Variants in AGMO observed in about 807,000 individuals in gnomAD.
AGMO encodes the protein glyceryl-ether monooxygenase.
Under a neutral mutation model 60.2 loss-of-function variants are expected in AGMO, and 75 were observed. The ratio of observed to expected loss-of-function variants is 1.25; its 90% confidence interval spans 1.03 to 1.51. AGMO has a LOEUF of 1.51. Ranked by LOEUF, AGMO falls within the 40% of genes most tolerant of loss-of-function variation. The pLI is 0.00. For missense variants in AGMO, 763 were observed against 525.5 expected (o/e 1.45, Z -4.42); for synonymous variants, 261 against 177.1 (o/e 1.47, Z -3.76).
intron 12 of AGMO, among the ~76,000 whole-genome samples, chr7:15,253,603 C>T (rs1039482924): frequency 2.0e-5 from 3 of 152,044 alleles, no homozygotes; most frequent in African/African-American, 4.8e-5. Context: ...TTAGGGACTA[C>T]AATGTGTTGT....
At chr7:15,366,010 G>T (rs1245087619) in intron 11 of AGMO, 130 bp downstream of exon 11, 2 of 649,556 alleles carry the variant, frequency 3.1e-6, no homozygotes, top group Admixed American at 3.4e-5. Context: ...ATAATGAGAA[G>T]TCAAATACCA....
At chr7:15,321,497 T>C (rs1462796457) in intron 12 of AGMO, among the ~76,000 whole-genome samples, 3 of 152,106 alleles carry the variant, frequency 2.0e-5, no homozygotes, top group East Asian at 1.9e-4. Flanking sequence ...ATGATAAGAA[T>C]GGAGTTCTTG....
At chr7:15,417,282 G>C (rs1020613827) in intron 5 of AGMO, among the ~76,000 whole-genome samples, 1 of 152,134 alleles carries the variant, frequency 6.6e-6, no homozygotes, top group Non-Finnish European at 1.5e-5. Context: ...ACAGGAATAA[G>C]TCTCACCAGT....
At chr7:15,206,167 A>T (rs1443564979) in intron 12 of AGMO, among the ~76,000 whole-genome samples, 1 of 152,134 alleles carries the variant, frequency 6.6e-6, no homozygotes, top group African/African-American at 2.4e-5. Flanking sequence ...AATAAGCACA[A>T]TGGAACTAGA....
intron 12 of AGMO, among the ~76,000 whole-genome samples, chr7:15,277,634 C>T (rs776747492): frequency 3.3e-5 from 5 of 152,076 alleles, no homozygotes; most frequent in African/African-American, 9.7e-5. Flanking sequence ...CTGTGCACTT[C>T]TGTCAGCAGG....
At chr7:15,314,981 G>A (rs776997507) in intron 12 of AGMO, among the ~76,000 whole-genome samples, 12 of 152,058 alleles carry the variant, frequency 7.9e-5, no homozygotes, top group Non-Finnish European at 1.2e-4. Context: ...GGACCGAAGC[G>A]ACATGTTTTA....
intron 5 of AGMO, among the ~76,000 whole-genome samples, chr7:15,405,206 C>A (rs1013972100): frequency 2.0e-5 from 3 of 151,824 alleles, no homozygotes; most frequent in Admixed American, 6.6e-5. Flanking sequence ...TTGTCGCTTT[C>A]TCTGCCTCCT....
intron 12 of AGMO, among the ~76,000 whole-genome samples, chr7:15,324,462 T>C (rs931033078): frequency 1.3e-5 from 2 of 152,156 alleles, no homozygotes; most frequent in African/African-American, 4.8e-5. Context: ...CTTTGGTTTC[T>C]TGTTCTTATT....
intron 12 of AGMO, among the ~76,000 whole-genome samples, chr7:15,317,880 T>C (rs544060826): frequency 1.3e-3 from 196 of 149,272 alleles, no homozygotes; most frequent in Middle Eastern, 3.6e-3. Flanking sequence ...TATATATATA[T>C]ACACACGTAT....
At chr7:15,302,811 C>T (rs1436621690) in intron 12 of AGMO, among the ~76,000 whole-genome samples, 1 of 152,018 alleles carries the variant, frequency 6.6e-6, no homozygotes, top group Non-Finnish European at 1.5e-5. Flanking sequence ...AGTCATGGAG[C>T]AGTCAACTAG....
At chr7:15,377,329 G>A (rs1783495300) in intron 10 of AGMO, among the ~76,000 whole-genome samples, 1 of 151,964 alleles carries the variant, frequency 6.6e-6, no homozygotes, top group African/African-American at 2.4e-5. Flanking sequence ...GTTTGTAAAG[G>A]GTTTCAACAC....
At chr7:15,178,613 A>C in the AGMO span, among the ~76,000 whole-genome samples, 4 of 152,074 alleles carry the variant, frequency 2.6e-5, no homozygotes, top group African/African-American at 9.7e-5. Context: ...GCTTTATTAA[A>C]AATGGCTGTA....
At chr7:15,371,031 G>C (rs113620497) in intron 10 of AGMO, among the ~76,000 whole-genome samples, 2 of 152,110 alleles carry the variant, frequency 1.3e-5, no homozygotes, top group South Asian at 4.1e-4. Context: ...TCCTTATTCA[G>C]TAAGTGGTAG....
intron 12 of AGMO, among the ~76,000 whole-genome samples, chr7:15,229,286 T>A (rs567497638): frequency 6.6e-6 from 1 of 152,202 alleles, no homozygotes; most frequent in African/African-American, 2.4e-5. Flanking sequence ...TATACGAACA[T>A]GGCACATGTT....
chr7:15,531,152 A>ATATATATTCTATATATATATTC (rs1784323925), intron 3 of AGMO, among the ~76,000 whole-genome samples: 2 of 59,240 alleles, frequency 3.4e-5, no homozygotes, highest in Non-Finnish European at 5.5e-5. Flanking sequence ...TATATATTCT[A>ATATATATTCTATATATATATTC]TATATATTCT....
At chr7:15,525,063 A>G (rs2128537631) in intron 3 of AGMO, among the ~76,000 whole-genome samples, 1 of 152,248 alleles carries the variant, frequency 6.6e-6, no homozygotes, top group African/African-American at 2.4e-5. Context: ...ATTCTTGGCC[A>G]TGACAAAAAG....
chr7:15,404,427 C>T (rs1456809771), intron 5 of AGMO, among the ~76,000 whole-genome samples: 2 of 151,924 alleles, frequency 1.3e-5, no homozygotes, highest in East Asian at 3.9e-4. Context: ...AACTGTTAAG[C>T]ATGTTCCCTC....
intron 2 of AGMO, among the ~76,000 whole-genome samples, chr7:15,546,684 TCC>T (rs1229535643): frequency 6.6e-6 from 1 of 152,200 alleles, no homozygotes; most frequent in Non-Finnish European, 1.5e-5. Flanking sequence ...GGCCAAGGGT[TCC>T]CAAAGTGTTG....
At chr7:15,256,403 C>T (rs971836938) in intron 12 of AGMO, among the ~76,000 whole-genome samples, 5 of 152,016 alleles carry the variant, frequency 3.3e-5, no homozygotes, top group African/African-American at 1.2e-4. Flanking sequence ...AGTACGGTGG[C>T]GCAATCTCGG....
Sources: gnomAD v4.1 joint callset for allele counts (sites outside exome capture counted in the v4.1 genomes callset) on GRCh38, gnomAD v4.1.1 for gene constraint, MANE v1.5 for transcripts, NCBI Gene and HGNC (gene_info 2026-07-23, HGNC 2026-07-21) for gene names.